Variants in ESRRB observed in about 807,000 individuals in gnomAD.
ESRRB encodes estrogen related receptor beta.
A neutral mutation model predicts 46.0 loss-of-function variants in ESRRB; 16 were observed. The ratio of observed to expected loss-of-function variants is 0.35; its 90% confidence interval spans 0.24 to 0.53. The LOEUF is 0.53. Ranked by LOEUF, ESRRB falls within the 20% of genes least tolerant of loss-of-function variation. The pLI is 0.93. For synonymous variants in ESRRB, 246 were observed against 259.6 expected, an observed-to-expected ratio of 0.95 and a Z score of 0.50; for missense variants, 488 against 607.4, an observed-to-expected ratio of 0.80 and a Z score of 2.07.
At chr14:76,419,587 G>T (rs1307634087) in intron 1 of ESRRB, among the ~76,000 whole-genome samples, 1 of 152,162 alleles carries the variant, frequency 6.6e-6, no homozygotes, top group African/African-American at 2.4e-5. Flanking sequence ...TTACCCTGAA[G>T]ACATTCACTT....
intron 1 of ESRRB, among the ~76,000 whole-genome samples, chr14:76,317,220 G>A (rs911617512): frequency 3.3e-5 from 5 of 152,004 alleles, no homozygotes; most frequent in Admixed American, 2.0e-4. Flanking sequence ...GGCATCTCTT[G>A]GGGACAAGTG....
chr14:76,351,739 A>G (rs1020949946), intron 1 of ESRRB, among the ~76,000 whole-genome samples: 5 of 152,188 alleles, frequency 3.3e-5, no homozygotes, highest in Admixed American at 6.5e-5. Flanking sequence ...TGTTCAGAGC[A>G]TATGACCTCT....
chr14:76,482,446 T>G lies in ESRRB; in HGVS notation c.689-152T>G. The G allele has an allele frequency of 1.3e-6, 1 of 753,318 alleles. No individual in the cohort carries two copies. The highest frequency in any genetic ancestry group is 2.2e-6 in the Non-Finnish European group (1 of 454,242). 46.7% of individuals were successfully genotyped at this position (753,318 alleles called of 1,614,324 possible). On this transcript the variant is annotated intron_variant, in intron 4 of 6. Transcript: ENST00000644823. The surrounding 1 kb of genome is among the most constrained non-coding windows in gnomAD (Gnocchi z 4.3). ...GCCCAGATCACCACTACCAGCAACTTCATGGAGCCAGAACAGGAGGGGAGA... is the reference window on the plus strand; with the variant it reads ...GCCCAGATCACCACTACCAGCAACTGCATGGAGCCAGAACAGGAGGGGAGA...
chr14:76,406,596 C>A (rs1039192832), intron 1 of ESRRB, among the ~76,000 whole-genome samples: 1 of 152,020 alleles, frequency 6.6e-6, no homozygotes, highest in African/African-American at 2.4e-5. Flanking sequence ...ATACAAAAAA[C>A]TAGCCAGGTA....
At chr14:76,497,057 G>A (rs549700688) in intron 6 of ESRRB, among the ~76,000 whole-genome samples, 6 of 152,264 alleles carry the variant, frequency 3.9e-5, no homozygotes, top group South Asian at 2.1e-4. Flanking sequence ...GGGGAGAGTC[G>A]GGGGAGGATG....
intron 1 of ESRRB, among the ~76,000 whole-genome samples, chr14:76,420,193 T>C (rs752057955): frequency 6.6e-6 from 1 of 152,154 alleles, no homozygotes; most frequent in Non-Finnish European, 1.5e-5. Flanking sequence ...CAGGTAAATC[T>C]CAGGACCAAT....
At chr14:76,467,500 CA>C (rs397709875) in intron 3 of ESRRB, among the ~76,000 whole-genome samples, 11,252 of 91,664 alleles carry the variant, frequency 0.12, 482 homozygotes, top group African/African-American at 0.22. Context: ...GCCTCTGTCT[CA>C]AAAAAAAAAA....
chr14:76,377,413 C>T (rs1283179382), intron 1 of ESRRB, among the ~76,000 whole-genome samples: 1 of 152,222 alleles, frequency 6.6e-6, no homozygotes, highest in East Asian at 1.9e-4. Flanking sequence ...CGGGTACCTG[C>T]CCGGGTCTCC....
At position 76,498,716 on chromosome 14, in the gene ESRRB, C is replaced by A; in HGVS notation, c.*258C>A. 4 of 1,248,572 alleles carry A rather than the reference C, an allele frequency of 3.2e-6. No individual in the cohort carries two copies. Among genetic ancestry groups the A allele is most frequent in the South Asian group, 1.2e-5 (1 of 83,466 alleles). 77.3% of individuals were successfully genotyped at this position (1,248,572 alleles called of 1,614,324 possible). A position where few individuals can be genotyped will look rare whatever the true frequency, so the allele number is the denominator to read the frequency against. On this transcript the variant is annotated 3_prime_UTR_variant, in exon 7 of 7. Coordinates refer to ENST00000644823, the MANE Select transcript of ESRRB (RefSeq NM_001379180.1). ...TGGTATGTCTTTCCTTCTCCATGGA[C>A]GGTGCGGAGGCCTGGGCCAGGGCTG...
At chr14:76,403,534 G>A (rs1262893574) in intron 1 of ESRRB, among the ~76,000 whole-genome samples, 1 of 152,136 alleles carries the variant, frequency 6.6e-6, no homozygotes, top group Non-Finnish European at 1.5e-5. Context: ...GGTAAGATGT[G>A]GTCATGTCGA....
chr14:76,353,175 G>T (rs929522161), intron 1 of ESRRB, among the ~76,000 whole-genome samples: 1 of 152,228 alleles, frequency 6.6e-6, no homozygotes, highest in Non-Finnish European at 1.5e-5. Context: ...ACAGCCCCTG[G>T]ATAGAGCTGG....
At position 76,462,566 on chromosome 14, in the gene ESRRB, C is replaced by T. The variant is rs553712774; in HGVS notation, c.482C>T (p.Pro161Leu). 2.5e-5 allele frequency: 41 copies of T among 1,613,916 alleles called. No homozygotes were observed. Among genetic ancestry groups the T allele is most frequent in the African/African-American group, 6.7e-5 (5 of 75,028 alleles). ...TIQGNIEYSCPATNECEITKR... is the reference protein window; with the variant it reads ...TIQGNIEYSCLATNECEITKR... ...GCAGGGAACATTGAGTACAGCTGCC[C>T]GGCCACCAACGAGTGCGAGATCACC... The change falls in exon 3 of 7, where the codon CCG becomes CTG. Residue 161 changes from proline (P) to leucine (L), a missense_variant. By Grantham distance (98) the Pro-to-Leu change is moderately conservative. Transcript: ENST00000644823.
intron 1 of ESRRB, among the ~76,000 whole-genome samples, chr14:76,313,911 A>G (rs1250820490): frequency 2.0e-5 from 3 of 152,210 alleles, no homozygotes; most frequent in Non-Finnish European, 4.4e-5. Flanking sequence ...TTCAATCCTC[A>G]GCGGGTTAAG....
At chr14:76,452,238 C>A (rs1888413983) in intron 2 of ESRRB, among the ~76,000 whole-genome samples, 1 of 152,038 alleles carries the variant, frequency 6.6e-6, no homozygotes, top group African/African-American at 2.4e-5. Context: ...TTACATCCGG[C>A]CACAGGAAGC....
At chr14:76,378,824 A>G (rs1884889760) in intron 1 of ESRRB, among the ~76,000 whole-genome samples, 1 of 152,184 alleles carries the variant, frequency 6.6e-6, no homozygotes, top group Non-Finnish European at 1.5e-5. Flanking sequence ...GTAGTAAAGT[A>G]ACAGAGCAGG....
chr14:76,475,369 G>GAAA (rs34977404), intron 3 of ESRRB, among the ~76,000 whole-genome samples: 2 of 130,708 alleles, frequency 1.5e-5, no homozygotes, highest in Non-Finnish European at 3.3e-5. Flanking sequence ...ACCTTGCCTC[G>GAAA]AAAAAAAAAA....
At chr14:76,386,114 A>C (rs1322942364) in intron 1 of ESRRB, among the ~76,000 whole-genome samples, 1 of 152,166 alleles carries the variant, frequency 6.6e-6, no homozygotes, top group Admixed American at 6.5e-5. Flanking sequence ...GTTTAATGTG[A>C]TCAATATGGC....
intron 1 of ESRRB, among the ~76,000 whole-genome samples, chr14:76,349,653 T>C (rs1248347157): frequency 6.6e-6 from 1 of 152,028 alleles, no homozygotes; most frequent in South Asian, 2.1e-4. Context: ...AAGAGAAGGA[T>C]GAGAAAAAGG....
chr14:76,398,697 C>T (rs1885805279), intron 1 of ESRRB, among the ~76,000 whole-genome samples: 1 of 152,152 alleles, frequency 6.6e-6, no homozygotes, highest in African/African-American at 2.4e-5. Context: ...TCGGGGTCAA[C>T]CATTCCAGTT....
Sources: allele counts gnomAD v4.1 joint callset (sites outside exome capture counted in the v4.1 genomes callset), GRCh38; gene constraint gnomAD v4.1.1; non-coding constraint Gnocchi (gnomAD v3.1); transcripts MANE v1.5; gene names NCBI Gene and HGNC (gene_info 2026-07-23, HGNC 2026-07-21).